The following SLC6A8 variants were observed in gnomAD, a reference collection of about 807,000 sequenced individuals.
SLC6A8 encodes solute carrier family 6 member 8.
A neutral mutation model predicts 48.3 loss-of-function variants in SLC6A8; 6 were observed. The observed-to-expected ratio is 0.12, with a 90% CI of 0.07 to 0.25. The LOEUF is 0.25. Among genes scored for constraint, SLC6A8 ranks in the 10% least tolerant of loss-of-function variants. SLC6A8 has a pLI of 1.00. For synonymous variants in SLC6A8, 245 were observed against 244.0 expected, an observed-to-expected ratio of 1.00 and a Z score of -0.04; for missense variants, 260 against 551.5, an observed-to-expected ratio of 0.47 and a Z score of 5.29.
chrX:153,688,041 G>A lies in SLC6A8; in HGVS notation c.-534G>A, dbSNP rs1192505889. 1 of 106,102 alleles carries A rather than the reference G, an allele frequency of 9.4e-6. No homozygotes were observed. The highest frequency in any genetic ancestry group is 9.9e-5 in the Admixed American group (1 of 10,077). The allele number at this position is 106,102 out of a possible 1,213,427, so 8.7% of individuals were successfully genotyped here. The stretch of plus-strand genomic sequence containing the variant: ...GGCGAGGCGCGCCCGAGCCGCCGCC[G>A]CCGCCGCCACCGCCGCCGCCGCCAC... On this transcript the variant is annotated 5_prime_UTR_variant, in exon 1 of 13. Transcript: ENST00000253122.
At position 153,695,803 on chromosome X, in the gene SLC6A8, G is replaced by A. The variant is rs781915648; in HGVS notation, c.*589G>A. ...GCCAATCGCCACCAGTATCAATTGTGTGAGCTTGGGTGCGAGTGCACGCGT... is the reference window on the plus strand; with the variant it reads ...GCCAATCGCCACCAGTATCAATTGTATGAGCTTGGGTGCGAGTGCACGCGT... On this transcript the variant is annotated 3_prime_UTR_variant, in exon 13 of 13. Coordinates refer to ENST00000253122, the MANE Select transcript of SLC6A8 (RefSeq NM_005629.4). 1 of 138,616 alleles carries A rather than the reference G, an allele frequency of 7.2e-6. No homozygotes were observed. The highest frequency in any genetic ancestry group is 7.5e-5 in the Admixed American group (1 of 13,362). 11.4% of individuals were successfully genotyped at this position (138,616 alleles called of 1,213,427 possible).
chrX:153,694,972 G>A (rs1191598243), intron 12 of SLC6A8, 83 bp downstream of exon 12: 11 of 957,485 alleles, frequency 1.1e-5, no homozygotes, highest in East Asian at 6.5e-5. Flanking sequence ...GAGTGGCCCC[G>A]ACTAGGGTGG....
At chrX:153,690,892 A>ACCCCCCCCCCCCCCCCCC (rs34305716) in intron 2 of SLC6A8, 1 of 139,211 alleles carries the variant, frequency 7.2e-6, no homozygotes, top group African/African-American at 5.5e-5. Context: ...GCGACTAGAA[A>ACCCCCCCCCCCCCCCCCC]CCCCCCCCCC....
At chrX:153,692,991 G>C (rs370907770) in intron 4 of SLC6A8, 50 bp from the exon 5 acceptor site, 2 of 1,204,830 alleles carry the variant, frequency 1.7e-6, no homozygotes, top group South Asian at 1.8e-5. Flanking sequence ...GGGAGTGGGG[G>C]TGTGAGGGAG....
In SLC6A8 at chrX:153,694,456, G is replaced by T; in HGVS notation, c.1495+10G>T. On this transcript the variant is annotated intron_variant, in intron 10 of 12. Transcript: ENST00000253122. ...GTGGCCTGGGTGTACGGTAGGTCAT[G>T]GCTGAGGGCTGGGCTGGGGGATGGT... 8.3e-7 allele frequency: 1 copy of T among 1,199,757 alleles called. No individual in the cohort carries two copies. The highest frequency in any genetic ancestry group is 1.1e-6 in the Non-Finnish European group (1 of 884,490).
At chrX:153,693,640 A>G (rs1218860142) in intron 7 of SLC6A8, 54 bp downstream of exon 7, 1 of 1,151,869 alleles carries the variant, frequency 8.7e-7, no homozygotes, top group Non-Finnish European at 1.2e-6. Flanking sequence ...ACCCAGATGC[A>G]TGATGTACAG....
rs781954749 is a variant in SLC6A8, at chrX:153,690,169, A to G, written c.263-206A>G. ...CTGCCACCCAGGGAATAGGGCTCCA[A>G]TGGCTCAGGGGCTACTGTAGCCCCT... is the stretch of plus-strand genomic sequence containing the variant. On this transcript the variant is annotated intron_variant, in intron 1 of 12. Coordinates refer to ENST00000253122, the MANE Select transcript of SLC6A8 (RefSeq NM_005629.4). Among the ~76,000 whole-genome samples, 12 of 112,718 alleles carry G rather than the reference A, an allele frequency of 1.1e-4. No individual in the cohort carries two copies. The East Asian group carries it at 2.8e-3, about 27-fold the overall frequency.
rs1260630052 is a variant in SLC6A8, at chrX:153,696,046, C to T, written c.*832C>T. 5 of 164,749 alleles carry T rather than the reference C, an allele frequency of 3.0e-5. No individual in the cohort carries two copies. Among genetic ancestry groups the T allele is most frequent in the Non-Finnish European group, 5.7e-5 (5 of 87,105 alleles). The allele number at this position is 164,749 out of a possible 1,213,427, so 13.6% of individuals were successfully genotyped here. On this transcript the variant is annotated 3_prime_UTR_variant, in exon 13 of 13. Coordinates refer to ENST00000253122, the MANE Select transcript of SLC6A8 (RefSeq NM_005629.4). ...CTGTGAGCCCTACCTTACCCCTCTGCCCCTAGCCAAGGAGTGTGAATTTAT... is the reference window on the plus strand; with the variant it reads ...CTGTGAGCCCTACCTTACCCCTCTGTCCCTAGCCAAGGAGTGTGAATTTAT...
intron 1 of SLC6A8, among the ~76,000 whole-genome samples, chrX:153,690,035 CAG>C (rs1281072246): frequency 4.4e-5 from 5 of 113,167 alleles, no homozygotes; most frequent in Admixed American, 3.7e-4. Flanking sequence ...CTGCCTGAAA[CAG>C]GGAATTGCAG....
chrX:153,694,504 C>G lies in SLC6A8; in HGVS notation c.1496-29C>G, dbSNP rs782308150. On this transcript the variant is annotated intron_variant, in intron 10 of 12. Coordinates refer to ENST00000253122, the MANE Select transcript of SLC6A8 (RefSeq NM_005629.4). ...GGTGGCGGGGAAGGCAGGTCTCCAG[C>G]TTGGCCCTCCCGCCTCACCTCGCCG... 15 of 1,194,617 alleles carry G rather than the reference C, an allele frequency of 1.3e-5. No individual in the cohort carries two copies. The East Asian group carries it at 4.4e-4, about 35-fold the overall frequency.
rs781806055 is a variant in SLC6A8 at position 153,691,542 on chromosome X, C to G, written c.633C>G (p.Ile211Met). 4 of 1,210,875 alleles carry G rather than the reference C, an allele frequency of 3.3e-6. No individual in the cohort carries two copies. The highest frequency in any genetic ancestry group is 4.5e-6 in the Non-Finnish European group (4 of 895,216). ...TTGCTGACCGCCGGTCCCCTGTCAT[C>G]GAGTTCTGGGAGTGAGTCCGGCACC... ...DQLADRRSPV[I>M]EFWENKVLRL... Residue 211 changes from isoleucine (I) to methionine (M), a missense_variant, in exon 3 of 13, where the codon ATC becomes ATG. By Grantham distance (10) the Ile-to-Met change is conservative. Around this residue, in one of 7 missense-constraint regions of SLC6A8, gnomAD observed 75 missense variants for 248.8 expected, o/e 0.30. Coordinates refer to ENST00000253122, the MANE Select transcript of SLC6A8 (RefSeq NM_005629.4).
In SLC6A8 at chrX:153,688,450, G is replaced by GC. The variant is rs1393987440; in HGVS notation, c.-119dup. The GC allele has an allele frequency of 2.3e-5, 2 of 88,212 alleles. No individual in the cohort carries two copies. The highest frequency in any genetic ancestry group is 4.4e-5 in the Non-Finnish European group (2 of 45,298). The allele number at this position is 88,212 out of a possible 1,213,427, so 7.3% of individuals were successfully genotyped here. A position where few individuals can be genotyped will look rare whatever the true frequency, so the allele number is the denominator to read the frequency against. Reference sequence around the variant, plus strand: ...CGCCGCCCCGTCCCCCGGCCCGGCCGCCCCCCGGCCCCCGGCCGGCCCGCG... The same window carrying GC: ...CGCCGCCCCGTCCCCCGGCCCGGCCGCCCCCCCGGCCCCCGGCCGGCCCGCG... On this transcript the variant is annotated 5_prime_UTR_variant, in exon 1 of 13. Coordinates refer to ENST00000253122, the MANE Select transcript of SLC6A8 (RefSeq NM_005629.4).
intron 1 of SLC6A8, 47 bp downstream of exon 1, chrX:153,688,883 G>GC (rs2091438543): frequency 2.3e-6 from 2 of 860,075 alleles, no homozygotes; most frequent in African/African-American, 2.1e-5. Context: ...CAGGCCGCCG[G>GC]CCCCCGCCCG....
At position 153,694,805 on chromosome X, in the gene SLC6A8, C is replaced by A. The variant is rs1286428662; in HGVS notation, c.1683C>A (p.Gly561=). ...YVYPWWGEAM[G]WAFALSSMLC... The stretch of plus-strand genomic sequence containing the variant: ...ACCCGTGGTGGGGTGAGGCCATGGG[C>A]TGGGCCTTCGCCCTGTCCTCCATGC... The change falls in exon 12 of 13, where the codon GGC becomes GGA. Residue 561 remains glycine (G), a synonymous_variant. Transcript: ENST00000253122. 6.6e-6 allele frequency: 8 copies of A among 1,208,866 alleles called. No homozygotes were observed. The highest frequency in any genetic ancestry group is 8.9e-6 in the Non-Finnish European group (8 of 894,376).
rs1312663828 is a variant in SLC6A8, at chrX:153,694,715, G to A, written c.1597-4G>A. 6.6e-6 allele frequency: 8 copies of A among 1,209,181 alleles called. No individual in the cohort carries two copies. Among genetic ancestry groups the A allele is most frequent in the African/African-American group, 3.5e-5 (2 of 57,351 alleles). Reference sequence around the variant, plus strand: ...CCCATTAACCGCAGCATTCTGGTCCGTAGGGCATCTTCATCTTCAACGTTG... The same window carrying A: ...CCCATTAACCGCAGCATTCTGGTCCATAGGGCATCTTCATCTTCAACGTTG... On this transcript the variant is annotated splice_polypyrimidine_tract_variant and splice_region_variant and intron_variant, in intron 11 of 12. Coordinates refer to ENST00000253122, the MANE Select transcript of SLC6A8 (RefSeq NM_005629.4).
intron 1 of SLC6A8, among the ~76,000 whole-genome samples, chrX:153,689,250 T>C (rs2091441293): frequency 9.5e-6 from 1 of 105,784 alleles, no homozygotes; most frequent in South Asian, 4.0e-4. Flanking sequence ...ACACACACAA[T>C]GGGCCACTCT....
chrX:153,691,613 C>G (rs1260992425), intron 3 of SLC6A8, 60 bp downstream of exon 3: 2 of 1,184,158 alleles, frequency 1.7e-6, no homozygotes, highest in African/African-American at 1.7e-5. Context: ...TCATGTTGCC[C>G]GGCTCCAGGG....
intron 4 of SLC6A8, 50 bp from the exon 5 acceptor site, chrX:153,692,991 G>A: frequency 5.8e-6 from 7 of 1,204,826 alleles, no homozygotes; most frequent in Non-Finnish European, 7.9e-6. Context: ...GGGAGTGGGG[G>A]TGTGAGGGAG....
rs1569539424 is a variant in SLC6A8 at position 153,694,180 on chromosome X, C to A, written c.1305C>A (p.Ala435=). 5.8e-6 allele frequency: 7 copies of A among 1,210,700 alleles called. No individual in the cohort carries two copies. Among genetic ancestry groups the A allele is most frequent in the Non-Finnish European group, 5.6e-6 (5 of 894,489 alleles). ...FITGLLDLLP[A]SYYFRFQREI... is the part of the protein sequence containing the mutation. ...CCGGCCTCCTCGACCTCCTCCCGGC[C>A]TCCTACTACTTCCGTTTCCAAAGGG... Residue 435 remains alanine (A), a synonymous_variant, in exon 9 of 13, where the codon GCC becomes GCA. Transcript: ENST00000253122.
Sources: allele counts gnomAD v4.1 joint callset (sites outside exome capture counted in the v4.1 genomes callset), GRCh38; gene constraint gnomAD v4.1.1; regional missense constraint gnomAD v4.1.1; transcripts MANE v1.5; gene names NCBI Gene and HGNC (gene_info 2026-07-23, HGNC 2026-07-21).